RBFOX1: variants seen among roughly 807,000 people sequenced by gnomAD.
RBFOX1 encodes RNA binding fox-1 homolog 1, also known as RNA binding protein fox-1 homolog 1.
In RBFOX1, 8 loss-of-function variants were observed where a neutral mutation model predicts 57.7. The observed-to-expected ratio is 0.14, with a 90% CI of 0.08 to 0.25. The LOEUF is 0.25. RBFOX1 is among the 10% of genes least tolerant of loss of function. RBFOX1 has a pLI of 1.00. For missense variants in RBFOX1, 611 were observed against 548.5 expected, an observed-to-expected ratio of 1.11 and a Z score of -1.14; for synonymous variants, 326 against 222.4, an observed-to-expected ratio of 1.47 and a Z score of -4.15.
intron 2 of RBFOX1, among the ~76,000 whole-genome samples, chr16:5,504,359 C>G (rs780509726): frequency 2.6e-5 from 4 of 152,244 alleles, no homozygotes; most frequent in Non-Finnish European, 4.4e-5. Context: ...CAACGCTTGC[C>G]CAGCCTGGCC....
In RBFOX1 at chr16:5,759,078, C is replaced by T. The variant is rs113428960; in HGVS notation, c.319-108225C>T. On this transcript the variant is annotated intron_variant, in intron 3 of 19. Coordinates refer to the RBFOX1 transcript ENST00000641259. Reference sequence around the variant, plus strand: ...TTTCTACTTCCATAAAATGGGGAGGCTACTAGTATATACTTCTCTGAAGAA... The same window carrying T: ...TTTCTACTTCCATAAAATGGGGAGGTTACTAGTATATACTTCTCTGAAGAA... Among the ~76,000 whole-genome samples the T allele has an allele frequency of 4.6e-3, 695 of 152,280 alleles. 8 individuals are homozygous for T. The highest frequency in any genetic ancestry group is 0.016 in the African/African-American group (657 of 41,562).
chr16:6,639,474 C>T (rs76206161), intron 2 of RBFOX1, among the ~76,000 whole-genome samples: 222 of 151,888 alleles, frequency 1.5e-3, no homozygotes, highest in African/African-American at 5.1e-3. Context: ...AGTAATGACC[C>T]GGAGGAATTA....
intron 4 of RBFOX1, among the ~76,000 whole-genome samples, chr16:7,154,133 T>G (rs183260987): frequency 7.2e-5 from 11 of 152,296 alleles, no homozygotes; most frequent in Admixed American, 5.9e-4. Flanking sequence ...TTTTTGCACA[T>G]CATAGTTCAT....
intron 1 of RBFOX1, among the ~76,000 whole-genome samples, chr16:5,454,950 CCTTCCTTCCTTTCTTTCTTT>C (rs1174782365): frequency 3.5e-4 from 15 of 42,678 alleles, no homozygotes; most frequent in East Asian, 1.6e-3. Flanking sequence ...TTCCTTCCTT[CCTTCCTTCCTTTCTTTCTTT>C]CTTTCTTTCT....
rs570703594 is a variant in RBFOX1 at position 6,176,575 on chromosome 16, T to C, written c.-126-140420T>C. Among the ~76,000 whole-genome samples, 12 of 152,228 alleles carry C rather than the reference T, an allele frequency of 7.9e-5. No individual in the cohort carries two copies. In the South Asian group the frequency reaches 2.3e-3, roughly 29 times the overall value. On this transcript the variant is annotated intron_variant, in intron 1 of 15. Coordinates refer to ENST00000550418, the MANE Select transcript of RBFOX1 (RefSeq NM_018723.4). ...TGATGGAGATTTGATGATACCATGT[T>C]TGCATCCCAAAAGACTGGTGTCTAA...
intron 4 of RBFOX1, among the ~76,000 whole-genome samples, chr16:7,338,931 G>T (rs2096842882): frequency 6.6e-6 from 1 of 152,324 alleles, no homozygotes; most frequent in South Asian, 2.1e-4. Flanking sequence ...AAAGACATCA[G>T]CATGCACACC....
intron 1 of RBFOX1, among the ~76,000 whole-genome samples, chr16:6,229,801 A>T (rs1420107807): frequency 6.6e-6 from 1 of 152,104 alleles, no homozygotes; most frequent in African/African-American, 2.4e-5. Flanking sequence ...TTATAAATAT[A>T]GAATACATAT....
At chr16:5,680,343 C>G (rs1485444612) in intron 3 of RBFOX1, among the ~76,000 whole-genome samples, 1 of 152,156 alleles carries the variant, frequency 6.6e-6, no homozygotes, top group Non-Finnish European at 1.5e-5. Context: ...GCGGCCAAGT[C>G]CATTGAACCC....
At chr16:6,192,468 A>G (rs1444012850) in intron 1 of RBFOX1, among the ~76,000 whole-genome samples, 1 of 151,298 alleles carries the variant, frequency 6.6e-6, no homozygotes. Flanking sequence ...TTCCCTCTCC[A>G]TTTTCCCCTT....
In RBFOX1 at chr16:7,497,168, A is replaced by G. The variant is rs563157641; in HGVS notation, c.28-20979A>G. Among the ~76,000 whole-genome samples, 3 of 152,314 alleles carry G rather than the reference A, an allele frequency of 2.0e-5. No individual in the cohort carries two copies. In the South Asian group the frequency reaches 6.2e-4, roughly 32 times the overall value. On this transcript the variant is annotated intron_variant, in intron 4 of 15. Coordinates refer to ENST00000550418, the MANE Select transcript of RBFOX1 (RefSeq NM_018723.4). ...CCTCCCGTTACTTAAAGGATCAAAT[A>G]CAAACTACTTTATGTGTCATTTTCT...
At chr16:5,722,618 G>A (rs919360030) in intron 3 of RBFOX1, among the ~76,000 whole-genome samples, 2 of 152,126 alleles carry the variant, frequency 1.3e-5, no homozygotes, top group African/African-American at 2.4e-5. Flanking sequence ...AAGTCCCCAC[G>A]GTGGCATTAG....
chr16:7,303,090 G>T (rs1346011677), intron 4 of RBFOX1, among the ~76,000 whole-genome samples: 1 of 152,216 alleles, frequency 6.6e-6, no homozygotes, highest in Non-Finnish European at 1.5e-5. Context: ...CCCCCTTCCA[G>T]TCGCCCCGAG....
At chr16:6,220,474 C>T (rs1039349428) in intron 1 of RBFOX1, among the ~76,000 whole-genome samples, 1 of 152,102 alleles carries the variant, frequency 6.6e-6, no homozygotes, top group Non-Finnish European at 1.5e-5. Flanking sequence ...TCCTAGATTC[C>T]CTCAGTCCTG....
chr16:5,417,340 C>G (rs1472122353), intron 1 of RBFOX1, among the ~76,000 whole-genome samples: 1 of 152,136 alleles, frequency 6.6e-6, no homozygotes, highest in Non-Finnish European at 1.5e-5. Context: ...GAGAAATTAT[C>G]TTGACATTTT....
chr16:7,128,320 A>C (rs867390678), intron 4 of RBFOX1, among the ~76,000 whole-genome samples: 1 of 152,232 alleles, frequency 6.6e-6, no homozygotes, highest in South Asian at 2.1e-4. Context: ...CCATTTTAAT[A>C]TGGTAAAACT....
intron 3 of RBFOX1, among the ~76,000 whole-genome samples, chr16:5,626,180 T>G (rs779237001): frequency 5.9e-5 from 9 of 152,210 alleles, no homozygotes; most frequent in Non-Finnish European, 1.3e-4. Flanking sequence ...ACACCTGACC[T>G]CTTTAATATT....
At chr16:7,030,642 T>C (rs1282491322) in intron 3 of RBFOX1, among the ~76,000 whole-genome samples, 2 of 152,220 alleles carry the variant, frequency 1.3e-5, no homozygotes, top group Non-Finnish European at 2.9e-5. Flanking sequence ...TACTCTAATC[T>C]ACTATGATTT....
intron 1 of RBFOX1, among the ~76,000 whole-genome samples, chr16:5,449,509 G>T (rs1014710045): frequency 6.6e-6 from 1 of 152,180 alleles, no homozygotes; most frequent in African/African-American, 2.4e-5. Context: ...AGTTGCCCAA[G>T]ATCTAAAGGG....
chr16:5,939,198 C>T (rs2059231742), intron 4 of RBFOX1, among the ~76,000 whole-genome samples: 1 of 152,138 alleles, frequency 6.6e-6, no homozygotes. Flanking sequence ...ATGTAACAAA[C>T]CTGCCCATTG....
Sources: allele counts gnomAD v4.1 joint callset (sites outside exome capture counted in the v4.1 genomes callset), GRCh38; gene constraint gnomAD v4.1.1; transcripts MANE v1.5; gene names NCBI Gene and HGNC (gene_info 2026-07-23, HGNC 2026-07-21).